The following ARSG variants were observed in gnomAD, a reference collection of about 807,000 sequenced individuals.
The protein encoded by ARSG is ASG.
ARSG carries 37 observed loss-of-function variants against 50.5 expected under a neutral mutation model. The observed-to-expected ratio is 0.73, with a 90% CI of 0.56 to 0.96. The LOEUF (loss-of-function observed/expected upper bound fraction) is 0.96, where lower values mean the gene tolerates loss of function less well. ARSG is among the 50% of genes least tolerant of loss of function. ARSG has a pLI of 0.00. For missense variants in ARSG, 629 were observed against 675.3 expected (o/e 0.93, Z 0.76); for synonymous variants, 225 against 254.6 (o/e 0.88, Z 1.11).
At chr17:68,337,604 T>C (rs1417793261) in intron 2 of ARSG, among the ~76,000 whole-genome samples, 1 of 10,200 alleles carries the variant, frequency 9.8e-5, no homozygotes, top group Non-Finnish European at 2.4e-4. Flanking sequence ...CAGAAACGCT[T>C]CTATTTATTT....
intron 8 of ARSG, among the ~76,000 whole-genome samples, chr17:68,377,523 G>A (rs186581230): frequency 2.0e-5 from 3 of 152,248 alleles, no homozygotes; most frequent in African/African-American, 4.8e-5. Flanking sequence ...CATTAGGTGG[G>A]GTTGTGGACC....
intron 1 of ARSG, among the ~76,000 whole-genome samples, chr17:68,278,603 G>A (rs1372688911): frequency 7.2e-6 from 1 of 139,594 alleles, no homozygotes; most frequent in Non-Finnish European, 1.5e-5. Flanking sequence ...GCCAGCTAAT[G>A]TTTTTTCTTT....
the ARSG span, chr17:68,435,560 G>C: frequency 6.5e-7 from 1 of 1,532,330 alleles, no homozygotes; most frequent in African/African-American, 1.4e-5. Context: ...TCCCATCCCT[G>C]CGCACGGCAG....
intron 11 of ARSG, among the ~76,000 whole-genome samples, chr17:68,419,061 A>G (rs1462184079): frequency 1.3e-5 from 2 of 151,236 alleles, no homozygotes; most frequent in African/African-American, 4.9e-5. Flanking sequence ...AGAGCCAAGG[A>G]AGCTGCTATC....
At chr17:68,313,122 A>G (rs955925209) in intron 2 of ARSG, among the ~76,000 whole-genome samples, 3 of 151,984 alleles carry the variant, frequency 2.0e-5, no homozygotes, top group Non-Finnish European at 2.9e-5. Context: ...TTAGCCGGGC[A>G]TGGTGGCAGG....
chr17:68,409,439 C>T (rs978555963), intron 11 of ARSG, among the ~76,000 whole-genome samples: 40 of 150,602 alleles, frequency 2.7e-4, no homozygotes, highest in East Asian at 1.8e-3. Flanking sequence ...TGTAGATATG[C>T]GGCGTTATTC....
chr17:68,340,607 A>G (rs779325676), intron 2 of ARSG, among the ~76,000 whole-genome samples: 1 of 152,014 alleles, frequency 6.6e-6, no homozygotes, highest in Non-Finnish European at 1.5e-5. Context: ...TGATGCCCAC[A>G]TTGTCCCAAG....
At chr17:68,428,954 CAT>C in the ARSG span, 18 of 1,597,402 alleles carry the variant, frequency 1.1e-5, no homozygotes, top group African/African-American at 5.4e-5. Flanking sequence ...CCAAGGAAAA[CAT>C]AAACCGTGAT....
chr17:68,354,771 C>T (rs2078960101), intron 5 of ARSG, among the ~76,000 whole-genome samples: 1 of 152,008 alleles, frequency 6.6e-6, no homozygotes, highest in Non-Finnish European at 1.5e-5. Context: ...ATAGTCTCAG[C>T]TGCTCAGGGA....
intron 8 of ARSG, among the ~76,000 whole-genome samples, chr17:68,373,705 A>G (rs191982199): frequency 6.6e-6 from 1 of 152,160 alleles, no homozygotes; most frequent in East Asian, 1.9e-4. Context: ...CTCTTGGAGT[A>G]TTGGTGTTTC....
chr17:68,292,940 TC>T (rs2076069934), intron 1 of ARSG, among the ~76,000 whole-genome samples: 1 of 152,186 alleles, frequency 6.6e-6, no homozygotes, highest in Non-Finnish European at 1.5e-5. Context: ...GAGGTGGTAT[TC>T]CCAGAATTGG....
At position 68,278,541 on chromosome 17, in the gene ARSG, T is replaced by G. The variant is rs543100373; in HGVS notation, c.-552+19115T>G. ...CTCAGCTCACTGCAACCTCTGCAAT[T>G]CTCCTACGTCAGCCTCCCAAGTAGC... On this transcript the variant is annotated intron_variant, in intron 1 of 11. Transcript: ENST00000448504. Among the ~76,000 whole-genome samples, 8 of 152,044 alleles carry G rather than the reference T, an allele frequency of 5.3e-5. No homozygotes were observed. In the East Asian group the frequency reaches 1.5e-3, roughly 29 times the overall value.
At chr17:68,447,613 ACTCCTGGG>A in the ARSG span, among the ~76,000 whole-genome samples, 1 of 151,882 alleles carries the variant, frequency 6.6e-6, no homozygotes, top group African/African-American at 2.4e-5. Flanking sequence ...CTGGACTCAA[ACTCCTGGG>A]CTCAAGCGAT....
At chr17:68,426,262 A>G (rs2083187719), downstream of ARSG, 5 of 1,017,754 alleles carry the variant, frequency 4.9e-6, no homozygotes, top group East Asian at 2.5e-5. Flanking sequence ...GGGCTCAAAT[A>G]AAGGGCAAAG....
intron 2 of ARSG, among the ~76,000 whole-genome samples, chr17:68,309,063 G>A (rs2076732855): frequency 1.3e-5 from 2 of 152,370 alleles, no homozygotes; most frequent in Non-Finnish European, 2.9e-5. Context: ...CCACAGGAAG[G>A]CAGCTAAGGC....
chr17:68,401,369 C>T lies in ARSG; in HGVS notation c.1222C>T (p.His408Tyr). Residue 408 changes from histidine to tyrosine, a missense_variant, in exon 11 of 12, where the codon CAC (histidine) becomes TAC (tyrosine). By Grantham distance (83) the His-to-Tyr change is moderately conservative. Coordinates refer to ENST00000621439, the MANE Select transcript of ARSG (RefSeq NM_001267727.2). ...RSQPGHRVLF[H>Y]PNSGAAGEFG... ...TGCCACCCTTTCTCAGGTGCTGTTC[C>T]ACCCCAACAGCGGGGCAGCTGGAGA... is the stretch of plus-strand genomic sequence containing the variant. The T allele has an allele frequency of 6.2e-7, 1 of 1,613,928 alleles. No individual in the cohort carries two copies. Among genetic ancestry groups the T allele is most frequent in the Non-Finnish European group, 8.5e-7 (1 of 1,179,836 alleles).
chr17:68,302,327 C>T (rs1242921755), intron 1 of ARSG, among the ~76,000 whole-genome samples: 1 of 152,146 alleles, frequency 6.6e-6, no homozygotes, highest in Non-Finnish European at 1.5e-5. Context: ...GGCCTCGGCT[C>T]ATCAGATGCT....
chr17:68,327,286 G>C (rs868950584), intron 2 of ARSG, among the ~76,000 whole-genome samples: 2 of 152,118 alleles, frequency 1.3e-5, no homozygotes, highest in South Asian at 4.1e-4. Flanking sequence ...TACTCGTTTT[G>C]AGGCCTGCTG....
the ARSG span, among the ~76,000 whole-genome samples, chr17:68,435,057 A>C: frequency 6.6e-6 from 1 of 152,150 alleles, no homozygotes; most frequent in Non-Finnish European, 1.5e-5. Context: ...AATACAAAAA[A>C]TTAGCCAGGC....
Sources: gnomAD v4.1 joint callset for allele counts (sites outside exome capture counted in the v4.1 genomes callset) on GRCh38, gnomAD v4.1.1 for gene constraint, MANE v1.5 for transcripts, NCBI Gene and HGNC (gene_info 2026-07-23, HGNC 2026-07-21) for gene names.